EIF3K: variants seen among roughly 807,000 people sequenced by gnomAD.
The protein encoded by EIF3K is eukaryotic translation initiation factor 3 subunit K, also known as eIF-3 p28.
Under a neutral mutation model 34.2 loss-of-function variants are expected in EIF3K, and 27 were observed. That is an observed-to-expected ratio of 0.79 (90% CI 0.58 to 1.09). The LOEUF is 1.09. Ranked by LOEUF, EIF3K falls within the 50% of genes least tolerant of loss-of-function variation. The pLI is 0.00. For missense variants in EIF3K, 232 were observed against 275.4 expected, an observed-to-expected ratio of 0.84 and a Z score of 1.11; for synonymous variants, 105 against 105.7, an observed-to-expected ratio of 0.99 and a Z score of 0.04.
chr19:38,624,146 C>T lies in EIF3K; in HGVS notation c.228C>T (p.Asn76=). Residue 76 remains asparagine, a synonymous_variant, in exon 3 of 8, where the codon AAC becomes AAT. Coordinates refer to ENST00000248342, the MANE Select transcript of EIF3K (RefSeq NM_013234.4). ...TAQILLKALT[N]LPHTDFTLCK... Reference sequence around the variant, plus strand: ...AGATCCTGCTGAAGGCCCTCACCAACTTGCCGCACACAGACTTCACCCTGT... The same window carrying T: ...AGATCCTGCTGAAGGCCCTCACCAATTTGCCGCACACAGACTTCACCCTGT... 1 of 1,614,198 alleles carries T rather than the reference C, an allele frequency of 6.2e-7. No individual in the cohort carries two copies.
rs1257001526 is a variant in EIF3K, at chr19:38,632,465, T to G, written c.390T>G (p.Gly130=). The change falls in exon 5 of 8, where the codon GGT becomes GGG. Residue 130 remains glycine, a synonymous_variant. Coordinates refer to ENST00000248342, the MANE Select transcript of EIF3K (RefSeq NM_013234.4). ...ATGAAAACATGGACCTCTTGGAAGG[T>G]ATAACTGGCTTTGAAGACTCTGTCC... The part of the protein sequence containing the change: ...ALDENMDLLE[G]ITGFEDSVRK... The G allele has an allele frequency of 1.9e-6, 3 of 1,614,126 alleles. No individual in the cohort carries two copies. Among genetic ancestry groups the G allele is most frequent in the Non-Finnish European group, 1.7e-6 (2 of 1,180,006 alleles).
intron 7 of EIF3K, chr19:38,635,561 G>A (rs1407545681): frequency 4.4e-6 from 1 of 225,626 alleles, no homozygotes; most frequent in African/African-American, 2.2e-5. Flanking sequence ...AAAAAATGGG[G>A]ACGACTGCAA....
At chr19:38,623,952 G>T in intron 2 of EIF3K, 125 bp from the exon 3 acceptor site, 1 of 1,456,012 alleles carries the variant, frequency 6.9e-7, no homozygotes, top group Non-Finnish European at 9.4e-7. Context: ...GAAGCACTGG[G>T]ACTGGGATTG....
chr19:38,634,090 CTTTTTTTT>C (rs757394196), intron 6 of EIF3K, among the ~76,000 whole-genome samples: 1 of 86,074 alleles, frequency 1.2e-5, no homozygotes, highest in South Asian at 4.4e-4. Flanking sequence ...TAAAAGCTAA[CTTTTTTTT>C]TTTTTTTTTT....
intron 4 of EIF3K, among the ~76,000 whole-genome samples, chr19:38,631,569 C>CACGAGACATTCCATTGCCCAGGG (rs1221575949): frequency 2.6e-5 from 4 of 152,212 alleles, no homozygotes; most frequent in African/African-American, 9.6e-5. Flanking sequence ...TCGGGTTTTA[C>CACGAGACATTCCATTGCCCAGGG]ACGAGACATT....
chr19:38,636,747 C>A, intron 7 of EIF3K, 142 bp from the exon 8 acceptor site: 1 of 935,778 alleles, frequency 1.1e-6, no homozygotes, highest in Non-Finnish European at 1.7e-6. Flanking sequence ...TAAAATACTG[C>A]ACCAAACTGC....
rs1568651710 is a variant in EIF3K, at chr19:38,624,086, C to G, written c.168C>G (p.Phe56Leu). The change falls in exon 3 of 8, where the codon TTC becomes TTG. Residue 56 changes from phenylalanine to leucine, a missense_variant. Physicochemically the swap from Phe to Leu is conservative, Grantham distance 22. Coordinates refer to ENST00000248342, the MANE Select transcript of EIF3K (RefSeq NM_013234.4). ...ANLAVLKLYQ[F>L]NPAFFQTTVT... is the part of the protein sequence containing the mutation. Reference sequence around the variant, plus strand: ...TTGTTCTTTTTCTTAGGTACCAGTTCAACCCAGCCTTCTTTCAGACCACGG... The same window carrying G: ...TTGTTCTTTTTCTTAGGTACCAGTTGAACCCAGCCTTCTTTCAGACCACGG... 2 of 1,613,992 alleles carry G rather than the reference C, an allele frequency of 1.2e-6. No homozygotes were observed. Among genetic ancestry groups the G allele is most frequent in the South Asian group, 1.1e-5 (1 of 91,072 alleles).
At chr19:38,635,209 C>A in intron 7 of EIF3K, 91 bp downstream of exon 7, 1 of 1,568,996 alleles carries the variant, frequency 6.4e-7, no homozygotes, top group South Asian at 1.1e-5. Flanking sequence ...CTGGGTAGAT[C>A]TGCTCGTGTT....
At chr19:38,621,534 T>C (rs1203883872) in intron 2 of EIF3K, among the ~76,000 whole-genome samples, 1 of 152,246 alleles carries the variant, frequency 6.6e-6, no homozygotes, top group Non-Finnish European at 1.5e-5. Context: ...GCAAAGTTAT[T>C]GCTAGCACCA....
intron 2 of EIF3K, 76 bp from the exon 3 acceptor site, chr19:38,624,001 G>A (rs2144765162): frequency 1.2e-6 from 2 of 1,602,366 alleles, no homozygotes; most frequent in Middle Eastern, 1.8e-4. Flanking sequence ...CCAGAATAAA[G>A]CAGCTGCCTG....
intron 6 of EIF3K, chr19:38,632,897 G>A (rs1453858396): frequency 2.0e-5 from 10 of 506,274 alleles, no homozygotes; most frequent in Admixed American, 3.7e-5. Context: ...AGTGCCTACC[G>A]TGTGTCAGTG....
At chr19:38,635,442 T>A in intron 7 of EIF3K, 1 of 411,136 alleles carries the variant, frequency 2.4e-6, no homozygotes, top group Non-Finnish European at 4.4e-6. Context: ...CATCTTTTAT[T>A]CTTGGGGTGC....
At chr19:38,619,398 G>A in intron 1 of EIF3K, 71 bp downstream of exon 1, 1 of 1,558,726 alleles carries the variant, frequency 6.4e-7, no homozygotes, top group Admixed American at 1.8e-5. Flanking sequence ...AGACAGCAAG[G>A]GGTGTTCAGG....
chr19:38,636,200 G>T (rs1429874932), intron 7 of EIF3K, among the ~76,000 whole-genome samples: 4 of 152,168 alleles, frequency 2.6e-5, no homozygotes, highest in Non-Finnish European at 5.9e-5. Context: ...TGACCTTTTA[G>T]GTCACAGGTG....
At chr19:38,630,343 A>ATTTTTTT (rs200889380) in intron 4 of EIF3K, among the ~76,000 whole-genome samples, 1 of 131,692 alleles carries the variant, frequency 7.6e-6, no homozygotes, top group Non-Finnish European at 1.7e-5. Context: ...TTATTTATTT[A>ATTTTTTT]TTTATTTTTT....
intron 4 of EIF3K, 48 bp from the exon 5 acceptor site, chr19:38,632,382 C>T: frequency 1.3e-6 from 2 of 1,561,820 alleles, no homozygotes; most frequent in Non-Finnish European, 1.8e-6. Flanking sequence ...AAAATAAAAG[C>T]AAATAATTTA....
At chr19:38,620,521 G>A (rs1975816733) in intron 2 of EIF3K, 86 bp downstream of exon 2, 1 of 1,154,706 alleles carries the variant, frequency 8.7e-7, no homozygotes, top group Non-Finnish European at 1.3e-6. Context: ...GTGGCTGGTA[G>A]TATCCTGAAC....
Position 38,636,892 on chromosome 19 carries a change from T to G in EIF3K, c.629T>G (p.Val210Gly). ...TCTGGTCTCTCCTTCCCCACAGGTG[T>G]GTCCAGCATCATGGCCTCCTCCCAG... ...NIVEKIDFDSVSSIMASSQ is the reference protein window; with the variant it reads ...NIVEKIDFDSGSSIMASSQ Residue 210 changes from valine (V) to glycine (G), a missense_variant, in exon 8 of 8, where the codon GTG becomes GGG. Val to Gly is a moderately radical substitution (Grantham distance 109). Coordinates refer to ENST00000248342, the MANE Select transcript of EIF3K (RefSeq NM_013234.4). 6.2e-7 allele frequency: 1 copy of G among 1,614,126 alleles called. No homozygotes were observed. Among genetic ancestry groups the G allele is most frequent in the Non-Finnish European group, 8.5e-7 (1 of 1,180,018 alleles).
chr19:38,636,252 G>T (rs1359048908), intron 7 of EIF3K, among the ~76,000 whole-genome samples: 2 of 152,192 alleles, frequency 1.3e-5, no homozygotes, highest in East Asian at 3.8e-4. Context: ...GAGGAGGAAG[G>T]TGTGAATCTC....
Sources: allele counts gnomAD v4.1 joint callset (sites outside exome capture counted in the v4.1 genomes callset), GRCh38; gene constraint gnomAD v4.1.1; transcripts MANE v1.5; gene names NCBI Gene and HGNC (gene_info 2026-07-23, HGNC 2026-07-21).